ZNF182: variants seen among roughly 807,000 people sequenced by gnomAD.
ZNF182 encodes the protein zinc finger protein 21 (KOX 14).
ZNF182 carries 10 observed loss-of-function variants against 28.1 expected under a neutral mutation model. The ratio of observed to expected loss-of-function variants is 0.36; its 90% CI spans 0.22 to 0.60. The LOEUF (loss-of-function observed/expected upper bound fraction) is 0.60, where lower values mean the gene tolerates loss of function less well. Ranked by LOEUF, ZNF182 falls within the 20% of genes least tolerant of loss-of-function variation. The pLI is 0.75. For synonymous variants in ZNF182, 156 were observed against 158.7 expected (o/e 0.98, Z 0.13); for missense variants, 352 against 453.2 (o/e 0.78, Z 2.03).
chrX:47,997,369 A>G (rs1248182390), intron 3 of ZNF182, among the ~76,000 whole-genome samples: 1 of 110,410 alleles, frequency 9.1e-6, no homozygotes, highest in Admixed American at 9.7e-5. Context: ...CAGGTGGGAT[A>G]GAAGTAAGAA....
At chrX:47,990,028 A>C (rs782296563) in intron 3 of ZNF182, among the ~76,000 whole-genome samples, 111 of 111,281 alleles carry the variant, frequency 1.0e-3, no homozygotes, top group African/African-American at 3.5e-3. Context: ...TTATTGAGCC[A>C]GAGTAGCCTT....
intron 5 of ZNF182, among the ~76,000 whole-genome samples, chrX:47,980,030 A>G (rs1469902346): frequency 9.0e-6 from 1 of 111,291 alleles, no homozygotes; most frequent in Admixed American, 9.7e-5. Context: ...GTGTTATAAG[A>G]CATGGAATCA....
intron 3 of ZNF182, among the ~76,000 whole-genome samples, chrX:48,000,091 G>A (rs933550329): frequency 5.5e-5 from 6 of 109,960 alleles, no homozygotes; most frequent in African/African-American, 1.0e-4. Flanking sequence ...AGCTGAGATC[G>A]CACCACTGCA....
In ZNF182 at chrX:47,977,861, T is replaced by C. The variant is rs782751395; in HGVS notation, c.233-64A>G. 1.0e-5 allele frequency: 10 copies of C among 974,972 alleles called. No homozygotes were observed. In the East Asian group the frequency reaches 2.6e-4, roughly 26 times the overall value. 80.3% of individuals were successfully genotyped at this position (974,972 alleles called of 1,213,427 possible). A position where few individuals can be genotyped will look rare whatever the true frequency, so the allele number is the denominator to read the frequency against. On this transcript the variant is annotated intron_variant, in intron 5 of 5. Transcript: ENST00000376943. ...ATTATGGAGCGGACCTTCTTTAGAATTATTCTGCCATATGAAAGCTGATAC... is the reference window on the plus strand; with the variant it reads ...ATTATGGAGCGGACCTTCTTTAGAACTATTCTGCCATATGAAAGCTGATAC...
At chrX:48,002,013 T>C (rs1291274225) in intron 3 of ZNF182, among the ~76,000 whole-genome samples, 3 of 112,000 alleles carry the variant, frequency 2.7e-5, no homozygotes, top group African/African-American at 9.7e-5. Flanking sequence ...AGAAAAAATA[T>C]GGTGGGCTGC....
At chrX:47,991,918 A>G (rs1305833038) in intron 3 of ZNF182, among the ~76,000 whole-genome samples, 1 of 111,780 alleles carries the variant, frequency 8.9e-6, no homozygotes, top group African/African-American at 3.3e-5. Context: ...TGACACCAGC[A>G]AAGGAGATTA....
In ZNF182 at chrX:47,982,986, G is replaced by C. The variant is rs141215624; in HGVS notation, c.195C>G (p.Cys65Trp). The C allele has an allele frequency of 6.2e-5, 75 of 1,209,294 alleles. No homozygotes were observed. In the African/African-American group the frequency reaches 1.2e-3, roughly 19 times the overall value. The change falls in exon 5 of 6, where the codon TGC becomes TGG. Residue 65 changes from cysteine (C) to tryptophan (W), a missense_variant. Coordinates refer to ENST00000376943, the MANE Select transcript of ZNF182 (RefSeq NM_001007088.2). ...AAAATGGGATTTTTCCTTCTGCCGG[G>C]CATTCTTCTACCTCCAACTTGAGGA... ...NLILKLEVEE[C>W]PAEGKIPFWN...
intron 3 of ZNF182, among the ~76,000 whole-genome samples, chrX:47,997,218 T>C (rs1170333757): frequency 2.0e-5 from 2 of 102,380 alleles, no homozygotes; most frequent in African/African-American, 7.2e-5. Flanking sequence ...ACTTGGGAGG[T>C]TGAGGTGGGA....
In ZNF182 at chrX:47,984,184, C is replaced by T. The variant is rs115386948; in HGVS notation, c.16-773G>A. 5.8e-3 allele frequency among the ~76,000 whole-genome samples: 646 copies of T among 111,465 alleles called. 6 individuals are homozygous for T. The highest frequency in any genetic ancestry group is 0.02 in the African/African-American group (602 of 30,674). On this transcript the variant is annotated intron_variant, in intron 3 of 5. Coordinates refer to ENST00000376943, the MANE Select transcript of ZNF182 (RefSeq NM_001007088.2). ...GAACACAAGATAATGTACTCAACCC[C>T]ATTAGCAATCAGGTAAGTGAAAAAT...
chrX:47,976,324 T>C lies in ZNF182; in HGVS notation c.1706A>G (p.His569Arg). The part of the protein sequence containing the change: ...AFREKSTFTV[H>R]QRTHTGEKPY... Reference sequence around the variant, plus strand: ...TTTCTCTCCAGTATGAGTTCTTTGATGTACAGTGAATGTTGACTTTTCTCG... The same window carrying C: ...TTTCTCTCCAGTATGAGTTCTTTGACGTACAGTGAATGTTGACTTTTCTCG... The change falls in exon 6 of 6, where the codon CAT becomes CGT. Residue 569 changes from histidine to arginine, a missense_variant. Coordinates refer to ENST00000376943, the MANE Select transcript of ZNF182 (RefSeq NM_001007088.2). 8.3e-7 allele frequency: 1 copy of C among 1,208,009 alleles called. No homozygotes were observed. The highest frequency in any genetic ancestry group is 1.1e-6 in the Non-Finnish European group (1 of 894,093).
chrX:47,982,943 A>G lies in ZNF182; in HGVS notation c.232+6T>C. On this transcript the variant is annotated splice_donor_region_variant and intron_variant, in intron 5 of 5. Coordinates refer to ENST00000376943, the MANE Select transcript of ZNF182 (RefSeq NM_001007088.2). ...TCCCCAGAGCCTGGGTCAAAATTCC[A>G]CTTACCTGGAAAGTTCCAAAATGGG... is the stretch of plus-strand genomic sequence containing the variant. The G allele has an allele frequency of 1.7e-6, 2 of 1,207,134 alleles. No homozygotes were observed. Among genetic ancestry groups the G allele is most frequent in the East Asian group, 5.9e-5 (2 of 33,730 alleles).
chrX:47,999,199 G>A (rs1338851560), intron 3 of ZNF182, among the ~76,000 whole-genome samples: 1 of 110,523 alleles, frequency 9.0e-6, no homozygotes, highest in East Asian at 2.8e-4. Flanking sequence ...GGCCAACATG[G>A]TGAAACCCCG....
At chrX:47,996,183 G>C (rs192255681) in intron 3 of ZNF182, among the ~76,000 whole-genome samples, 137 of 112,203 alleles carry the variant, frequency 1.2e-3, no homozygotes, top group African/African-American at 4.2e-3. Flanking sequence ...TTCAATGTAT[G>C]TGAAAGTAAT....
At position 47,977,581 on chromosome X, in the gene ZNF182, T is replaced by A; in HGVS notation, c.449A>T (p.Asp150Val). 1 of 1,206,645 alleles carries A rather than the reference T, an allele frequency of 8.3e-7. No homozygotes were observed. The highest frequency in any genetic ancestry group is 1.1e-6 in the Non-Finnish European group (1 of 892,972). Residue 150 changes from aspartate (D) to valine (V), a missense_variant, in exon 6 of 6, where the codon GAT becomes GTT. Physicochemically the swap from Asp to Val is radical, Grantham distance 152. Coordinates refer to ENST00000376943, the MANE Select transcript of ZNF182 (RefSeq NM_001007088.2). ...KHESFGNNMV[D>V]NLDLFSRSSA... ...ACTTCTACTAAATAAGTCTAAATTATCTACCATATTATTTCCAAATGATTC... is the reference window on the plus strand; with the variant it reads ...ACTTCTACTAAATAAGTCTAAATTAACTACCATATTATTTCCAAATGATTC...
At chrX:47,984,647 T>C (rs1359179628) in intron 3 of ZNF182, among the ~76,000 whole-genome samples, 1 of 111,873 alleles carries the variant, frequency 8.9e-6, no homozygotes, top group Non-Finnish European at 1.9e-5. Context: ...TTGAAGAAAC[T>C]CTTTTTAACC....
chrX:47,985,570 A>T (rs55654928), intron 3 of ZNF182, among the ~76,000 whole-genome samples: 11,863 of 110,711 alleles, frequency 0.11, 686 homozygotes, highest in Non-Finnish European at 0.16. Context: ...GGTTGGTTCT[A>T]CTTGTATCTT....
intron 3 of ZNF182, among the ~76,000 whole-genome samples, chrX:47,997,315 CT>C (rs200160198): frequency 0.024 from 2,124 of 88,624 alleles, 26 homozygotes; most frequent in Middle Eastern, 0.06. Context: ...GGAGATCCTG[CT>C]AAAAAAAAAA....
chrX:48,001,015 A>T (rs1168750342), intron 3 of ZNF182, among the ~76,000 whole-genome samples: 1 of 112,477 alleles, frequency 8.9e-6, no homozygotes, highest in Non-Finnish European at 1.9e-5. Context: ...TTATGAGATA[A>T]ATGACTACAT....
intron 3 of ZNF182, among the ~76,000 whole-genome samples, chrX:47,991,878 G>A (rs1259200977): frequency 9.0e-6 from 1 of 111,195 alleles, no homozygotes; most frequent in Non-Finnish European, 1.9e-5. Flanking sequence ...AAATCAGCAG[G>A]AGTCCTTCCA....
Sources: allele counts gnomAD v4.1 joint callset (sites outside exome capture counted in the v4.1 genomes callset), GRCh38; gene constraint gnomAD v4.1.1; transcripts MANE v1.5; gene names NCBI Gene and HGNC (gene_info 2026-07-23, HGNC 2026-07-21).